The following RASGRF1 variants were observed in gnomAD, a reference collection of about 807,000 sequenced individuals.
RASGRF1 encodes ras-specific guanine nucleotide-releasing factor 1.
RASGRF1 carries 40 observed loss-of-function variants against 138.7 expected under a neutral mutation model. That is an observed-to-expected ratio of 0.29 (90% confidence interval 0.22 to 0.38). The LOEUF (loss-of-function observed/expected upper bound fraction) is 0.38, where lower values mean the gene tolerates loss of function less well. Ranked by LOEUF, RASGRF1 falls within the 10% of genes least tolerant of loss-of-function variation. RASGRF1 has a pLI of 1.00. For synonymous variants in RASGRF1, 614 were observed against 663.2 expected (o/e 0.93, Z 1.14); for missense variants, 1,108 against 1,650.4 (o/e 0.67, Z 5.69).
At chr15:79,075,838 T>A (rs2057825780) in intron 1 of RASGRF1, among the ~76,000 whole-genome samples, 1 of 152,222 alleles carries the variant, frequency 6.6e-6, no homozygotes. Context: ...GGCAGCCTTG[T>A]CATCTCTCTG....
intron 24 of RASGRF1, among the ~76,000 whole-genome samples, chr15:78,974,483 A>G (rs2055835091): frequency 6.6e-6 from 1 of 152,188 alleles, no homozygotes; most frequent in African/African-American, 2.4e-5. Flanking sequence ...ACCCTAGGCC[A>G]GGTCTTTCCC....
chr15:79,035,309 C>G, intron 5 of RASGRF1, 99 bp from the exon 6 acceptor site: 2 of 937,504 alleles, frequency 2.1e-6, no homozygotes, highest in Admixed American at 2.6e-5. Context: ...GCAGCGAACC[C>G]TTTTCTCATG....
At chr15:78,974,247 T>C (rs182821095) in intron 24 of RASGRF1, among the ~76,000 whole-genome samples, 1 of 152,260 alleles carries the variant, frequency 6.6e-6, no homozygotes, top group Non-Finnish European at 1.5e-5. Flanking sequence ...TCCCTTTAGC[T>C]CCTTCTGGGG....
intron 21 of RASGRF1, among the ~76,000 whole-genome samples, chr15:78,990,503 T>C (rs28683537): frequency 0.016 from 2,366 of 152,308 alleles, 25 homozygotes; most frequent in Middle Eastern, 0.024. Context: ...TCAGTTTCCT[T>C]ATCTGTAAAA....
intron 19 of RASGRF1, among the ~76,000 whole-genome samples, chr15:78,997,360 G>T (rs545839035): frequency 1.3e-5 from 2 of 152,362 alleles, no homozygotes; most frequent in South Asian, 4.1e-4. Flanking sequence ...CTAGCCACAT[G>T]TCGGGGGTGA....
intron 1 of RASGRF1, among the ~76,000 whole-genome samples, chr15:79,076,287 G>A (rs28478398): frequency 0.34 from 51,636 of 150,916 alleles, 9,544 homozygotes; most frequent in East Asian, 0.49. Flanking sequence ...AAACAGAGTG[G>A]TGGGTGGGGA....
chr15:79,001,172 C>A (rs1426315280), intron 16 of RASGRF1, among the ~76,000 whole-genome samples: 2 of 152,174 alleles, frequency 1.3e-5, no homozygotes, highest in Non-Finnish European at 2.9e-5. Context: ...AACACCTAGC[C>A]TTTTTGCAAA....
chr15:79,027,900 C>G lies in RASGRF1; in HGVS notation c.1263-41G>C. 6.2e-7 allele frequency: 1 copy of G among 1,601,800 alleles called. No homozygotes were observed. The highest frequency in any genetic ancestry group is 8.6e-7 in the Non-Finnish European group (1 of 1,169,198). Reference sequence around the variant, plus strand: ...ACTGCACAGTCAGAGACAGGCTGCCCCTACTTCCCAGGGAGGCGAGAATGC... The same window carrying G: ...ACTGCACAGTCAGAGACAGGCTGCCGCTACTTCCCAGGGAGGCGAGAATGC... On this transcript the variant is annotated intron_variant, in intron 8 of 26. Coordinates refer to ENST00000558480, the MANE Select transcript of RASGRF1 (RefSeq NM_001145648.3). This position sits in a 1 kb window ranked among gnomAD's most constrained non-coding sequence, Gnocchi z 4.8.
intron 26 of RASGRF1, among the ~76,000 whole-genome samples, chr15:78,966,225 ATTTTTTTTTTTTT>A (rs3063545): frequency 9.0e-6 from 1 of 110,758 alleles, no homozygotes; most frequent in Admixed American, 9.8e-5. Context: ...GAGGACTTAA[ATTTTTTTTTTTTT>A]TTTTTTTTTT....
At chr15:79,082,321 G>T (rs978116027) in intron 1 of RASGRF1, among the ~76,000 whole-genome samples, 2 of 152,132 alleles carry the variant, frequency 1.3e-5, no homozygotes, top group Non-Finnish European at 2.9e-5. Context: ...GCTCAGAGTG[G>T]GTCCCTTCTG....
At chr15:79,078,568 A>G (rs1453603751) in intron 1 of RASGRF1, among the ~76,000 whole-genome samples, 1 of 152,086 alleles carries the variant, frequency 6.6e-6, no homozygotes, top group Non-Finnish European at 1.5e-5. Flanking sequence ...CCCATGCCCC[A>G]CTAGATCCCC....
At chr15:78,969,035 T>G (rs2055699621) in intron 26 of RASGRF1, among the ~76,000 whole-genome samples, 1 of 152,228 alleles carries the variant, frequency 6.6e-6, no homozygotes, top group Admixed American at 6.5e-5. Flanking sequence ...CTGTCCCTGT[T>G]GTATTTGCAG....
chr15:78,966,541 G>A (rs758460286), intron 26 of RASGRF1, among the ~76,000 whole-genome samples: 5 of 151,814 alleles, frequency 3.3e-5, no homozygotes, highest in Non-Finnish European at 7.4e-5. Context: ...TGCCAGGCCC[G>A]GGACTATTTA....
At chr15:79,000,784 G>A (rs866757155) in intron 16 of RASGRF1, among the ~76,000 whole-genome samples, 1 of 152,186 alleles carries the variant, frequency 6.6e-6, no homozygotes, top group African/African-American at 2.4e-5. Flanking sequence ...GGCTCTCCAT[G>A]AGCTCTGTTT....
chr15:79,041,049 T>C (rs1419224641), intron 5 of RASGRF1, among the ~76,000 whole-genome samples: 7 of 152,260 alleles, frequency 4.6e-5, no homozygotes, highest in Non-Finnish European at 1.0e-4. Flanking sequence ...GTAGGCACCA[T>C]TCACAGTCTA....
At position 79,064,152 on chromosome 15, in the gene RASGRF1, T is replaced by A. The variant is rs550295145; in HGVS notation, c.383+268A>T. ...AAAATCCTTTAACCAAACCAAATCATACTTGGTTCTGCTAATATAAAAAAG... is the reference window on the plus strand; with the variant it reads ...AAAATCCTTTAACCAAACCAAATCAAACTTGGTTCTGCTAATATAAAAAAG... On this transcript the variant is annotated intron_variant, in intron 2 of 26. Transcript: ENST00000558480. Among the ~76,000 whole-genome samples, 8 of 152,294 alleles carry A rather than the reference T, an allele frequency of 5.3e-5. No homozygotes were observed. In the East Asian group the frequency reaches 1.5e-3, roughly 29 times the overall value.
rs1340829189 is a variant in RASGRF1 at position 79,073,389 on chromosome 15, C to T, written c.277-8863G>A. ...CCAGGTAGAGCAAGGGCTCCCCAAACTGCCCCAACAGGGAAGTGAGGCGGG... is the reference window on the plus strand; with the variant it reads ...CCAGGTAGAGCAAGGGCTCCCCAAATTGCCCCAACAGGGAAGTGAGGCGGG... On this transcript the variant is annotated intron_variant, in intron 1 of 26. Transcript: ENST00000558480. The surrounding 1 kb of genome is among the most constrained non-coding windows in gnomAD (Gnocchi z 4.2). Among the ~76,000 whole-genome samples the T allele has an allele frequency of 6.6e-6, 1 of 152,236 alleles. No individual in the cohort carries two copies. Among genetic ancestry groups the T allele is most frequent in the African/African-American group, 2.4e-5 (1 of 41,542 alleles).
rs199930552 is a variant in RASGRF1, at chr15:79,046,932, C to T, written c.692G>A (p.Arg231Gln). The T allele has an allele frequency of 8.1e-5, 131 of 1,614,056 alleles. No individual in the cohort carries two copies. Among genetic ancestry groups the T allele is most frequent in the Non-Finnish European group, 1.0e-4 (120 of 1,180,020 alleles). ...KWKTIIQDYI[R>Q]SPHADSMRKR... ...GCGCATGCTGTCAGCATGGGGTGAC[C>T]GGATGTAGTCCTGGATGATGGTCTT... is the stretch of plus-strand genomic sequence containing the variant. Residue 231 changes from arginine (R) to glutamine (Q), a missense_variant, in exon 5 of 27, where the codon CGG (arginine) becomes CAG (glutamine). Around this residue, in one of 3 missense-constraint regions of RASGRF1, gnomAD observed 253 missense variants for 329.5 expected, o/e 0.77. Transcript: ENST00000558480. The surrounding 1 kb of genome is among the most constrained non-coding windows in gnomAD (Gnocchi z 5.3).
At chr15:79,078,623 C>A (rs1302805718) in intron 1 of RASGRF1, among the ~76,000 whole-genome samples, 1 of 152,182 alleles carries the variant, frequency 6.6e-6, no homozygotes, top group Admixed American at 6.5e-5. Context: ...TACTCATACC[C>A]CCTACCTCTC....
Sources: gnomAD v4.1 joint callset for allele counts (sites outside exome capture counted in the v4.1 genomes callset) on GRCh38, gnomAD v4.1.1 for gene constraint, gnomAD v4.1.1 regional missense constraint, Gnocchi (gnomAD v3.1) non-coding constraint, MANE v1.5 for transcripts, NCBI Gene and HGNC (gene_info 2026-07-23, HGNC 2026-07-21) for gene names.